The following SV2C variants were observed in gnomAD, a reference collection of about 807,000 sequenced individuals.
SV2C encodes solute carrier family 22 member B3.
A neutral mutation model predicts 79.7 loss-of-function variants in SV2C; 49 were observed. The ratio of observed to expected loss-of-function variants is 0.61; its 90% CI spans 0.49 to 0.78. The LOEUF (loss-of-function observed/expected upper bound fraction) is 0.78. SV2C is among the 30% of genes least tolerant of loss of function. The pLI is 0.00. For missense variants in SV2C, 833 were observed against 912.9 expected (o/e 0.91, Z 1.13); for synonymous variants, 334 against 333.2 (o/e 1.00, Z -0.03).
chr5:75,996,928 A>G, the SV2C span, among the ~76,000 whole-genome samples: 1 of 130,280 alleles, frequency 7.7e-6, no homozygotes, highest in Admixed American at 7.6e-5. Context: ...TGTCATCTGC[A>G]AACACGGACA....
chr5:75,957,855 C>A, the SV2C span, among the ~76,000 whole-genome samples: 1 of 152,014 alleles, frequency 6.6e-6, no homozygotes, highest in Non-Finnish European at 1.5e-5. Context: ...GTACCTTGCA[C>A]TTCCTAGATA....
chr5:76,285,393 A>C, intron 5 of SV2C, 98 bp downstream of exon 5: 1 of 1,506,914 alleles, frequency 6.6e-7, no homozygotes, highest in Non-Finnish European at 9.0e-7. Flanking sequence ...TGAGAGGTAC[A>C]TTTTCCCTTC....
intron 12 of SV2C, among the ~76,000 whole-genome samples, chr5:76,313,571 C>T (rs963410445): frequency 1.1e-4 from 16 of 152,156 alleles, no homozygotes; most frequent in Non-Finnish European, 2.4e-4. Context: ...AAGTCCATCT[C>T]GCTGTCCTTG....
chr5:76,198,326 G>C (rs913725971), intron 3 of SV2C, among the ~76,000 whole-genome samples: 2 of 152,128 alleles, frequency 1.3e-5, no homozygotes, highest in African/African-American at 4.8e-5. Context: ...GTGAGTTATT[G>C]CTCTATTAGT....
chr5:76,344,640 C>T (rs1027065395), intron 12 of SV2C, among the ~76,000 whole-genome samples: 17 of 151,976 alleles, frequency 1.1e-4, no homozygotes, highest in Admixed American at 8.5e-4. Context: ...ACCTGGGAGG[C>T]GGAGGTTGTG....
At chr5:76,151,227 A>T (rs1749593427) in intron 2 of SV2C, among the ~76,000 whole-genome samples, 1 of 152,228 alleles carries the variant, frequency 6.6e-6, no homozygotes, top group African/African-American at 2.4e-5. Flanking sequence ...AACTGAGCAA[A>T]GGCACAAAGG....
At chr5:75,938,499 A>C in the SV2C span, among the ~76,000 whole-genome samples, 1 of 152,210 alleles carries the variant, frequency 6.6e-6, no homozygotes, top group Non-Finnish European at 1.5e-5. Flanking sequence ...TACACGGAAT[A>C]ATATGAATGA....
the SV2C span, among the ~76,000 whole-genome samples, chr5:76,023,961 A>G: frequency 2.0e-5 from 3 of 151,682 alleles, no homozygotes; most frequent in East Asian, 1.9e-4. Context: ...CCCCATTGCA[A>G]CAATAAAAAA....
At chr5:76,237,619 G>T (rs190417407) in intron 4 of SV2C, among the ~76,000 whole-genome samples, 2 of 152,216 alleles carry the variant, frequency 1.3e-5, no homozygotes, top group East Asian at 3.9e-4. Context: ...GAAGTAGGTT[G>T]CTGTTGTTAT....
chr5:76,195,188 C>A, intron 3 of SV2C, 89 bp downstream of exon 3: 1 of 1,298,764 alleles, frequency 7.7e-7, no homozygotes, highest in Non-Finnish European at 1.1e-6. Context: ...GAAATTATCC[C>A]TTCACACATC....
chr5:75,895,514 G>A, the SV2C span, among the ~76,000 whole-genome samples: 3 of 152,136 alleles, frequency 2.0e-5, no homozygotes, highest in Non-Finnish European at 4.4e-5. Flanking sequence ...TGGGGAGGAA[G>A]CATGATGGTG....
At chr5:75,852,171 G>C in the SV2C span, among the ~76,000 whole-genome samples, 1 of 152,120 alleles carries the variant, frequency 6.6e-6, no homozygotes, top group African/African-American at 2.4e-5. Context: ...TCAGGTGGTG[G>C]GGGGCTGGGG....
At chr5:76,030,266 G>GTT in the SV2C span, among the ~76,000 whole-genome samples, 510 of 31,968 alleles carry the variant, frequency 0.016, 56 homozygotes, top group East Asian at 0.037. Context: ...TCAGAGGCTT[G>GTT]TTTTTTTTTT....
downstream of SV2C, among the ~76,000 whole-genome samples, chr5:76,335,325 A>G (rs191238777): frequency 8.2e-4 from 123 of 149,966 alleles, 2 homozygotes; most frequent in Middle Eastern, 7.0e-3. Flanking sequence ...CCATCGCTCT[A>G]TATAGATCTT....
At position 76,327,582 on chromosome 5, in the gene SV2C, T is replaced by G. The variant is rs966154316; in HGVS notation, c.*2035T>G. On this transcript the variant is annotated 3_prime_UTR_variant, in exon 13 of 13. Transcript: ENST00000502798. ...TGATTTGTCTTCTTTAAAAAGACAT[T>G]TGGGGACCTGAGCAGGTCTTTTAGT... The G allele has an allele frequency of 2.0e-5, 3 of 152,190 alleles. No individual in the cohort carries two copies. Among genetic ancestry groups the G allele is most frequent in the Non-Finnish European group, 4.4e-5 (3 of 68,028 alleles). 9.4% of individuals were successfully genotyped at this position (152,190 alleles called of 1,614,324 possible).
chr5:75,899,690 A>T, the SV2C span, among the ~76,000 whole-genome samples: 3 of 151,986 alleles, frequency 2.0e-5, no homozygotes, highest in African/African-American at 7.3e-5. Context: ...ATTATTATTG[A>T]ATGGGAGTCT....
At chr5:76,297,063 A>G (rs1396133092) in intron 9 of SV2C, among the ~76,000 whole-genome samples, 1 of 152,238 alleles carries the variant, frequency 6.6e-6, no homozygotes, top group Admixed American at 6.5e-5. Flanking sequence ...AAAGTTCTAA[A>G]CTGGATACTC....
rs965886939 is a variant in SV2C, at chr5:76,333,329, C to T, written c.*7782C>T. 1 of 152,158 alleles carries T rather than the reference C, an allele frequency of 6.6e-6. No homozygotes were observed. The highest frequency in any genetic ancestry group is 1.5e-5 in the Non-Finnish European group (1 of 68,040). The allele number at this position is 152,158 out of a possible 1,614,324, so 9.4% of individuals were successfully genotyped here. A position where few individuals can be genotyped will look rare whatever the true frequency, so the allele number is the denominator to read the frequency against. On this transcript the variant is annotated 3_prime_UTR_variant, in exon 13 of 13. Transcript: ENST00000502798. The stretch of plus-strand genomic sequence containing the variant: ...TGCAGTTATGTATCCTCATCCTGAT[C>T]CAGGAACATATTGAACAGATCATAT...
chr5:76,101,288 C>T (rs1315078068), intron 1 of SV2C, among the ~76,000 whole-genome samples: 7 of 152,132 alleles, frequency 4.6e-5, no homozygotes, highest in African/African-American at 1.7e-4. Context: ...TTTATCGGAA[C>T]CACACATTTA....
Sources: allele counts gnomAD v4.1 joint callset (sites outside exome capture counted in the v4.1 genomes callset), GRCh38; gene constraint gnomAD v4.1.1; transcripts MANE v1.5; gene names NCBI Gene and HGNC (gene_info 2026-07-23, HGNC 2026-07-21).